Variants in CHCHD3 observed in about 807,000 individuals in gnomAD.
The protein encoded by CHCHD3 is MICOS complex subunit MIC19.
CHCHD3 carries 20 observed loss-of-function variants against 38.2 expected under a neutral mutation model. The observed-to-expected ratio is 0.52, with a 90% CI of 0.37 to 0.76. CHCHD3 has a LOEUF of 0.76. Among genes scored for constraint, CHCHD3 ranks in the 30% least tolerant of loss-of-function variants. The pLI is 0.00. For missense variants in CHCHD3, 245 were observed against 279.2 expected (o/e 0.88, Z 0.87); for synonymous variants, 82 against 100.0 (o/e 0.82, Z 1.07).
At position 132,801,922 on chromosome 7, in the gene CHCHD3, G is replaced by T. The variant is rs150860321; in HGVS notation, c.525-5345C>A. Among the ~76,000 whole-genome samples, 230 of 152,264 alleles carry T rather than the reference G, an allele frequency of 1.5e-3. 1 individual carries two copies. Among genetic ancestry groups the T allele is most frequent in the African/African-American group, 5.1e-3 (212 of 41,554 alleles). ...GGGAACGTGACCTGGAGGGCAGGAG[G>T]GGAAAGCACTGCCAGCCTTCCACTC... On this transcript the variant is annotated intron_variant, in intron 6 of 7. Coordinates refer to ENST00000262570, the MANE Select transcript of CHCHD3 (RefSeq NM_017812.4).
chr7:132,974,185 T>C (rs745861941), intron 4 of CHCHD3, among the ~76,000 whole-genome samples: 20 of 152,178 alleles, frequency 1.3e-4, no homozygotes, highest in Admixed American at 2.6e-4. Flanking sequence ...AATGTTTCAA[T>C]ATGTTAAAAA....
intron 4 of CHCHD3, among the ~76,000 whole-genome samples, chr7:132,897,147 T>C (rs147906197): frequency 6.6e-6 from 1 of 152,220 alleles, no homozygotes; most frequent in Non-Finnish European, 1.5e-5. Flanking sequence ...TTATTCCATA[T>C]TGTGGGGAAT....
intron 4 of CHCHD3, among the ~76,000 whole-genome samples, chr7:132,956,864 A>G (rs1379419655): frequency 6.6e-6 from 1 of 152,230 alleles, no homozygotes; most frequent in African/African-American, 2.4e-5. Context: ...AAGGGCTGCT[A>G]AGAAAACTGC....
intron 5 of CHCHD3, among the ~76,000 whole-genome samples, chr7:132,854,613 T>A (rs1808301222): frequency 6.6e-6 from 1 of 152,194 alleles, no homozygotes. Context: ...CAATTTTAAA[T>A]TATGAAGGTT....
At chr7:132,887,441 A>T in intron 4 of CHCHD3, among the ~76,000 whole-genome samples, 1 of 151,774 alleles carries the variant, frequency 6.6e-6, no homozygotes, top group South Asian at 2.1e-4. Context: ...AATATAAATA[A>T]AGAAAATGAA....
intron 4 of CHCHD3, among the ~76,000 whole-genome samples, chr7:132,963,620 C>T (rs1217308815): frequency 7.1e-6 from 1 of 139,972 alleles, no homozygotes; most frequent in Non-Finnish European, 1.5e-5. Flanking sequence ...TACAGTGAGA[C>T]TCCATCTCAA....
chr7:132,904,639 G>A (rs967061831), intron 4 of CHCHD3, among the ~76,000 whole-genome samples: 2 of 152,146 alleles, frequency 1.3e-5, no homozygotes, highest in African/African-American at 4.8e-5. Flanking sequence ...TTACACTGTT[G>A]GTGGGACTGC....
chr7:132,843,129 C>T (rs1334544401), intron 5 of CHCHD3, among the ~76,000 whole-genome samples: 3 of 152,162 alleles, frequency 2.0e-5, no homozygotes, highest in African/African-American at 7.2e-5. Context: ...CCTCCGCCTC[C>T]CAGGTTCAAG....
rs1254487876 is a variant in CHCHD3, at chr7:132,838,483, T to C, written c.454-14A>G. 1.3e-6 allele frequency: 2 copies of C among 1,591,898 alleles called. No homozygotes were observed. Among genetic ancestry groups the C allele is most frequent in the African/African-American group, 1.3e-5 (1 of 74,262 alleles). ...GAACTCTGAGCTCTGTGGACAAAGA[T>C]TGATAGCAAAGGTTTCACTATCCAA... On this transcript the variant is annotated splice_polypyrimidine_tract_variant and intron_variant, in intron 5 of 7. Transcript: ENST00000262570.
At chr7:132,878,632 T>C (rs2117162870) in intron 5 of CHCHD3, among the ~76,000 whole-genome samples, 1 of 152,332 alleles carries the variant, frequency 6.6e-6, no homozygotes. Flanking sequence ...TCTGTGAGAT[T>C]TCCTGCAGTC....
At chr7:132,896,345 G>A (rs1218186447) in intron 4 of CHCHD3, among the ~76,000 whole-genome samples, 2 of 152,154 alleles carry the variant, frequency 1.3e-5, no homozygotes, top group Non-Finnish European at 2.9e-5. Context: ...TTTAACATTT[G>A]TTCTGCTTGG....
chr7:132,979,416 T>C (rs539056019), intron 3 of CHCHD3, among the ~76,000 whole-genome samples: 3 of 152,320 alleles, frequency 2.0e-5, no homozygotes, highest in Admixed American at 6.5e-5. Flanking sequence ...AATGAAGTAG[T>C]GAGCAAGAGA....
intron 7 of CHCHD3, among the ~76,000 whole-genome samples, chr7:132,785,896 G>A (rs1806303736): frequency 6.6e-6 from 1 of 152,138 alleles, no homozygotes; most frequent in South Asian, 2.1e-4. Context: ...ACCCCAACAA[G>A]GCCGGGCGCA....
At chr7:132,989,476 A>G (rs1244214980) in intron 3 of CHCHD3, among the ~76,000 whole-genome samples, 1 of 151,946 alleles carries the variant, frequency 6.6e-6, no homozygotes, top group African/African-American at 2.4e-5. Context: ...AATCCTAACT[A>G]GCTTTCATCT....
At chr7:132,901,833 G>T (rs948344133) in intron 4 of CHCHD3, among the ~76,000 whole-genome samples, 4 of 152,134 alleles carry the variant, frequency 2.6e-5, no homozygotes, top group African/African-American at 9.7e-5. Flanking sequence ...GATCCGATTT[G>T]TCAATTTTGG....
chr7:132,851,147 GA>G (rs1808210986), intron 5 of CHCHD3, among the ~76,000 whole-genome samples: 2 of 152,186 alleles, frequency 1.3e-5, no homozygotes, highest in South Asian at 4.1e-4. Context: ...CACATACCCA[GA>G]AATGTTCTGC....
At chr7:132,932,682 C>T (rs888427575) in intron 4 of CHCHD3, among the ~76,000 whole-genome samples, 2 of 152,218 alleles carry the variant, frequency 1.3e-5, no homozygotes, top group Non-Finnish European at 2.9e-5. Context: ...TATTTCAAAT[C>T]AGGCTCATTA....
At chr7:133,068,118 G>T (rs1266101868) in intron 2 of CHCHD3, among the ~76,000 whole-genome samples, 2 of 132,952 alleles carry the variant, frequency 1.5e-5, no homozygotes, top group African/African-American at 2.8e-5. Flanking sequence ...CATCTCAAAA[G>T]AAAAAAAAAA....
intron 6 of CHCHD3, among the ~76,000 whole-genome samples, chr7:132,827,598 T>C (rs571330137): frequency 1.3e-5 from 2 of 152,336 alleles, no homozygotes; most frequent in African/African-American, 4.8e-5. Context: ...TCAGTGTTCA[T>C]ATTGTATTAG....
Sources: allele counts gnomAD v4.1 joint callset (sites outside exome capture counted in the v4.1 genomes callset), GRCh38; gene constraint gnomAD v4.1.1; transcripts MANE v1.5; gene names NCBI Gene and HGNC (gene_info 2026-07-23, HGNC 2026-07-21).